The following SCAI variants were observed in gnomAD, a reference collection of about 807,000 sequenced individuals.
The protein encoded by SCAI is protein SCAI.
Under a neutral mutation model 92.2 loss-of-function variants are expected in SCAI, and 24 were observed. That is an observed-to-expected ratio of 0.26 (90% confidence interval 0.19 to 0.37). The LOEUF is 0.37. Among genes scored for constraint, SCAI ranks in the 10% least tolerant of loss-of-function variants. The pLI, the probability that SCAI is intolerant of heterozygous loss-of-function variation, is 1.00. For missense variants in SCAI, 450 were observed against 736.2 expected, an observed-to-expected ratio of 0.61 and a Z score of 4.50; for synonymous variants, 261 against 258.6, an observed-to-expected ratio of 1.01 and a Z score of -0.09.
intron 2 of SCAI, among the ~76,000 whole-genome samples, chr9:125,104,564 G>T (rs1462356499): frequency 6.9e-6 from 1 of 144,550 alleles, no homozygotes; most frequent in Non-Finnish European, 1.5e-5. Flanking sequence ...TTGCACAAAT[G>T]ATGCAAAACA....
In SCAI at chr9:124,952,177, C is replaced by A. The variant is rs1831243195; in HGVS notation, c.*630G>T. The A allele has an allele frequency of 6.6e-6, 1 of 152,138 alleles. No homozygotes were observed. Among genetic ancestry groups the A allele is most frequent in the African/African-American group, 2.4e-5 (1 of 41,430 alleles). The allele number at this position is 152,138 out of a possible 1,614,324, so 9.4% of individuals were successfully genotyped here. On this transcript the variant is annotated 3_prime_UTR_variant, in exon 18 of 18. Coordinates refer to ENST00000336505, the MANE Select transcript of SCAI (RefSeq NM_001144877.3). ...ATAAATCTCATAATACTCATACATT[C>A]CAAGTAATATTACCACCTCAAGTCC...
chr9:124,976,210 CT>C, intron 14 of SCAI, 24 bp from the exon 15 acceptor site: 1 of 1,505,810 alleles, frequency 6.6e-7, no homozygotes, highest in Non-Finnish European at 9.2e-7. Flanking sequence ...GAATTTAAAA[CT>C]TGCATTAAAG....
chr9:125,089,703 GTTTGT>G (rs1436538624), intron 2 of SCAI, among the ~76,000 whole-genome samples: 1 of 151,890 alleles, frequency 6.6e-6, no homozygotes, highest in Non-Finnish European at 1.5e-5. Context: ...GGCAGTGTTT[GTTTGT>G]TTTGTTTTAA....
At chr9:124,985,275 A>C (rs1293847160) in intron 14 of SCAI, among the ~76,000 whole-genome samples, 3 of 152,162 alleles carry the variant, frequency 2.0e-5, no homozygotes, top group African/African-American at 7.2e-5. Context: ...CTGAGCAGAA[A>C]ACAAAAGAAA....
intron 2 of SCAI, among the ~76,000 whole-genome samples, chr9:125,073,698 C>CACTT (rs1313854277): frequency 6.6e-6 from 1 of 152,014 alleles, no homozygotes; most frequent in African/African-American, 2.4e-5. Context: ...AGCAAAAAGA[C>CACTT]ACTTATACAA....
intron 2 of SCAI, among the ~76,000 whole-genome samples, chr9:125,100,742 T>C (rs547313466): frequency 9.9e-5 from 15 of 152,188 alleles, no homozygotes; most frequent in African/African-American, 3.4e-4. Context: ...AGAGCTGCAA[T>C]TGGAAACAGG....
At chr9:125,142,167 A>G (rs964735282) in intron 2 of SCAI, 3 of 154,066 alleles carry the variant, frequency 1.9e-5, no homozygotes, top group Non-Finnish European at 4.3e-5. Context: ...GGGACCGGCT[A>G]GTTTTTCAAT....
chr9:125,127,995 G>A (rs957253012), intron 2 of SCAI, among the ~76,000 whole-genome samples: 23 of 149,790 alleles, frequency 1.5e-4, no homozygotes, highest in Non-Finnish European at 1.5e-5. Context: ...CCAACAGAGT[G>A]AGACTGCATC....
intron 14 of SCAI, among the ~76,000 whole-genome samples, chr9:124,983,016 G>A (rs931169362): frequency 2.6e-5 from 4 of 152,136 alleles, no homozygotes; most frequent in Non-Finnish European, 5.9e-5. Flanking sequence ...AGCCAGGTGT[G>A]GTGGCATGTT....
In SCAI at chr9:125,052,299, G is replaced by A. The variant is rs1369790451; in HGVS notation, c.230+3577C>T. Among the ~76,000 whole-genome samples, 8 of 152,142 alleles carry A rather than the reference G, an allele frequency of 5.3e-5. No homozygotes were observed. The South Asian group carries it at 8.3e-4, about 16-fold the overall frequency. On this transcript the variant is annotated intron_variant, in intron 3 of 17. Coordinates refer to ENST00000336505, the MANE Select transcript of SCAI (RefSeq NM_001144877.3). Reference sequence around the variant, plus strand: ...GAAAGTAAAAGACATGCCGGTTTGCGGTGGCTCACGCCTGTAATCCCAGCA... The same window carrying A: ...GAAAGTAAAAGACATGCCGGTTTGCAGTGGCTCACGCCTGTAATCCCAGCA...
chr9:125,073,057 T>C (rs759124401), intron 2 of SCAI, among the ~76,000 whole-genome samples: 4 of 150,916 alleles, frequency 2.7e-5, no homozygotes, highest in Non-Finnish European at 5.9e-5. Context: ...AACCTAGAAG[T>C]AGAATTGCTG....
chr9:125,115,080 A>C (rs1272386635), intron 2 of SCAI, among the ~76,000 whole-genome samples: 3 of 151,236 alleles, frequency 2.0e-5, no homozygotes, highest in Non-Finnish European at 3.0e-5. Context: ...GCCTAAAGAA[A>C]CTCTTGAAGC....
chr9:125,056,048 TA>T (rs1833658133), intron 2 of SCAI, 41 bp from the exon 3 acceptor site: 1 of 1,504,690 alleles, frequency 6.6e-7, no homozygotes. Flanking sequence ...GAGGTAAAAA[TA>T]AAAATAGAAA....
At chr9:125,064,075 C>A (rs755344415) in intron 2 of SCAI, among the ~76,000 whole-genome samples, 1 of 152,052 alleles carries the variant, frequency 6.6e-6, no homozygotes, top group Non-Finnish European at 1.5e-5. Context: ...TTCTAAAAAT[C>A]ATATGCACCT....
intron 2 of SCAI, chr9:125,066,170 T>C (rs1833865010): frequency 1.8e-6 from 1 of 548,612 alleles, no homozygotes. Flanking sequence ...TTATCAGAAT[T>C]AACCAGTGGG....
intron 15 of SCAI, among the ~76,000 whole-genome samples, chr9:124,974,548 G>A (rs899318644): frequency 1.3e-5 from 2 of 151,834 alleles, no homozygotes; most frequent in Non-Finnish European, 2.9e-5. Context: ...AGCTAGTTTT[G>A]CACCCACATG....
At chr9:125,082,233 G>A (rs899807162) in intron 2 of SCAI, among the ~76,000 whole-genome samples, 4 of 152,214 alleles carry the variant, frequency 2.6e-5, no homozygotes, top group African/African-American at 7.2e-5. Context: ...TTGCTTCAGA[G>A]GGTACAAGCC....
At chr9:125,028,017 G>A (rs1379934007) in intron 5 of SCAI, among the ~76,000 whole-genome samples, 1 of 152,122 alleles carries the variant, frequency 6.6e-6, no homozygotes, top group Non-Finnish European at 1.5e-5. Context: ...GTTTTTTAAA[G>A]TATCCTTCTG....
At chr9:125,077,698 T>G (rs74670205) in intron 2 of SCAI, among the ~76,000 whole-genome samples, 1,951 of 151,632 alleles carry the variant, frequency 0.013, 101 homozygotes, top group Admixed American at 0.083. Context: ...AAATGTCTAC[T>G]CAGATACTTG....
Sources: allele counts gnomAD v4.1 joint callset (sites outside exome capture counted in the v4.1 genomes callset), GRCh38; gene constraint gnomAD v4.1.1; transcripts MANE v1.5; gene names NCBI Gene and HGNC (gene_info 2026-07-23, HGNC 2026-07-21).